The following GFRA2 variants were observed in gnomAD, a reference collection of about 807,000 sequenced individuals.
The protein encoded by GFRA2 is GDNF family receptor alpha 2, also known as GDNF family receptor alpha-2.
A neutral mutation model predicts 48.3 loss-of-function variants in GFRA2; 17 were observed. That is an observed-to-expected ratio of 0.35 (90% confidence interval 0.24 to 0.53). The LOEUF is 0.53. Ranked by LOEUF, GFRA2 falls within the 20% of genes least tolerant of loss-of-function variation. The pLI, the probability that GFRA2 is intolerant of heterozygous loss-of-function variation, is 0.93. For synonymous variants in GFRA2, 305 were observed against 257.2 expected (o/e 1.19, Z -1.78); for missense variants, 660 against 637.3 (o/e 1.04, Z -0.38).
Position 21,775,078 on chromosome 8 carries a change from G to A in GFRA2, c.356-23C>T. ...CACCTGGAAGACAGAACAGGCATCA[G>A]ATGCGGGCTCCTCCGGGCCAGAGCG... is the stretch of plus-strand genomic sequence containing the variant. On this transcript the variant is annotated intron_variant, in intron 2 of 8. Transcript: ENST00000524240. 5 of 1,289,766 alleles carry A rather than the reference G, an allele frequency of 3.9e-6. No individual in the cohort carries two copies. In the South Asian group the frequency reaches 4.8e-5, roughly 12 times the overall value. 79.9% of individuals were successfully genotyped at this position (1,289,766 alleles called of 1,614,324 possible).
chr8:21,790,309 C>G (rs1366756564), upstream of GFRA2, among the ~76,000 whole-genome samples: 5 of 152,234 alleles, frequency 3.3e-5, no homozygotes, highest in African/African-American at 4.8e-5. Flanking sequence ...GGGTGGGGTA[C>G]ACGCAGCGCC....
intron 3 of GFRA2, chr8:21,769,174 C>T (rs948947466): frequency 2.6e-5 from 26 of 984,780 alleles, no homozygotes; most frequent in African/African-American, 1.2e-4. Flanking sequence ...AGTGGTTGAC[C>T]GTCTCCGGAA....
intron 4 of GFRA2, among the ~76,000 whole-genome samples, chr8:21,714,146 C>T (rs1359700170): frequency 6.6e-6 from 1 of 151,716 alleles, no homozygotes; most frequent in Non-Finnish European, 1.5e-5. Context: ...GCTGTAAACA[C>T]CTTCCCAAGA....
At chr8:21,783,959 TC>T (rs1424397640) in intron 1 of GFRA2, among the ~76,000 whole-genome samples, 1 of 151,930 alleles carries the variant, frequency 6.6e-6, no homozygotes, top group African/African-American at 2.4e-5. Flanking sequence ...GAAACTCCCT[TC>T]CCCTCTATCT....
chr8:21,739,975 GT>G (rs1169807526), intron 4 of GFRA2, among the ~76,000 whole-genome samples: 1 of 152,226 alleles, frequency 6.6e-6, no homozygotes, highest in East Asian at 1.9e-4. Context: ...AGCTGAGTTG[GT>G]GGCAGCCATA....
At position 21,788,417 on chromosome 8, in the gene GFRA2, T is replaced by C. The variant is rs1000478992; in HGVS notation, c.-258A>G. ...CGCTACAATCAAATATACGCGTATC[T>C]GTGTATCGGCTTTCTAAGCCAACAG... is the stretch of plus-strand genomic sequence containing the variant. On this transcript the variant is annotated 5_prime_UTR_variant, in exon 1 of 9. Transcript: ENST00000524240. 68 of 1,279,388 alleles carry C rather than the reference T, an allele frequency of 5.3e-5. No individual in the cohort carries two copies. The highest frequency in any genetic ancestry group is 2.4e-4 in the Middle Eastern group (1 of 4,150). The allele number at this position is 1,279,388 out of a possible 1,614,324, so 79.3% of individuals were successfully genotyped here.
At chr8:21,764,969 G>A (rs982757051) in intron 3 of GFRA2, among the ~76,000 whole-genome samples, 4 of 152,058 alleles carry the variant, frequency 2.6e-5, no homozygotes, top group African/African-American at 9.7e-5. Context: ...CCTCCAAGAA[G>A]AATATTCTGG....
At chr8:21,699,269 CAGGAGGAGGG>C (rs1049601842) in intron 7 of GFRA2, among the ~76,000 whole-genome samples, 2 of 152,182 alleles carry the variant, frequency 1.3e-5, no homozygotes, top group African/African-American at 4.8e-5. Context: ...CAGGAGCAGA[CAGGAGGAGGG>C]AGGAGAGAGA....
At chr8:21,713,580 C>T (rs1266870934) in intron 4 of GFRA2, among the ~76,000 whole-genome samples, 2 of 151,904 alleles carry the variant, frequency 1.3e-5, no homozygotes. Flanking sequence ...GCCACACAAG[C>T]AGAAGTCATC....
chr8:21,805,538 T>C (rs1055704629), intron 1 of GFRA2, among the ~76,000 whole-genome samples: 1 of 152,200 alleles, frequency 6.6e-6, no homozygotes, highest in Non-Finnish European at 1.5e-5. Context: ...TTGGAGTTTA[T>C]ACAATCTGAT....
intron 8 of GFRA2, among the ~76,000 whole-genome samples, 171 bp downstream of exon 8, chr8:21,694,293 G>A (rs374115231): frequency 1.3e-5 from 2 of 151,568 alleles, no homozygotes; most frequent in Admixed American, 1.3e-4. Flanking sequence ...TGCAGCCTTC[G>A]CACTCCCCCA....
chr8:21,787,525 G>A (rs1212359282), intron 1 of GFRA2, among the ~76,000 whole-genome samples: 4 of 152,180 alleles, frequency 2.6e-5, no homozygotes, highest in Non-Finnish European at 4.4e-5. Context: ...CCGGGGAGTG[G>A]AGCCGCCGGT....
chr8:21,708,158 T>C (rs560400242), intron 4 of GFRA2, among the ~76,000 whole-genome samples: 2 of 152,364 alleles, frequency 1.3e-5, no homozygotes, highest in Admixed American at 1.3e-4. Flanking sequence ...GCCATCATTC[T>C]GCACCTCAGG....
chr8:21,697,224 GGTA>G (rs1413604806), intron 7 of GFRA2, among the ~76,000 whole-genome samples: 16 of 143,786 alleles, frequency 1.1e-4, no homozygotes, highest in East Asian at 6.3e-4. Context: ...GGGAGGGCAT[GGTA>G]AGGGGAGGAA....
At chr8:21,693,708 G>C (rs560701836) in intron 8 of GFRA2, among the ~76,000 whole-genome samples, 1 of 152,062 alleles carries the variant, frequency 6.6e-6, no homozygotes, top group African/African-American at 2.4e-5. Flanking sequence ...GAGGACCTGC[G>C]TCCCAGTGAG....
intron 4 of GFRA2, among the ~76,000 whole-genome samples, chr8:21,720,995 GA>G (rs1239074296): frequency 2.2e-3 from 164 of 76,092 alleles, no homozygotes; most frequent in South Asian, 5.1e-3. Flanking sequence ...GAATTAGTAA[GA>G]AAAAAAAAAA....
chr8:21,799,650 T>C (rs2117111878), intron 2 of GFRA2, among the ~76,000 whole-genome samples: 1 of 152,206 alleles, frequency 6.6e-6, no homozygotes, highest in East Asian at 1.9e-4. Context: ...ACTGCCTTAT[T>C]CTTACCTGTT....
At chr8:21,784,186 C>T (rs1037768749) in intron 1 of GFRA2, 28 of 425,292 alleles carry the variant, frequency 6.6e-5, no homozygotes, top group African/African-American at 3.6e-4. Flanking sequence ...GGGACAGGCT[C>T]GCCTGATCCT....
At chr8:21,802,247 C>A (rs2117115123) in intron 2 of GFRA2, among the ~76,000 whole-genome samples, 1 of 152,342 alleles carries the variant, frequency 6.6e-6, no homozygotes, top group African/African-American at 2.4e-5. Context: ...AAAACAGGGA[C>A]AATGACACCT....
Sources: gnomAD v4.1 joint callset for allele counts (sites outside exome capture counted in the v4.1 genomes callset) on GRCh38, gnomAD v4.1.1 for gene constraint, MANE v1.5 for transcripts, NCBI Gene and HGNC (gene_info 2026-07-23, HGNC 2026-07-21) for gene names.